Variants in RIMBP2 observed in about 807,000 individuals in gnomAD.
RIMBP2 encodes RIMS binding protein 2.
A neutral mutation model predicts 118.6 loss-of-function variants in RIMBP2; 48 were observed. That is an observed-to-expected ratio of 0.40 (90% confidence interval 0.32 to 0.51). The LOEUF (loss-of-function observed/expected upper bound fraction) is 0.51. Ranked by LOEUF, RIMBP2 falls within the 20% of genes least tolerant of loss-of-function variation. The pLI, the probability that RIMBP2 is intolerant of heterozygous loss-of-function variation, is 0.41. For synonymous variants in RIMBP2, 762 were observed against 742.9 expected, an observed-to-expected ratio of 1.03 and a Z score of -0.42; for missense variants, 1,551 against 1,768.3, an observed-to-expected ratio of 0.88 and a Z score of 2.20.
At chr12:130,590,481 T>A (rs763128167) in intron 2 of RIMBP2, among the ~76,000 whole-genome samples, 8 of 152,192 alleles carry the variant, frequency 5.3e-5, no homozygotes, top group Non-Finnish European at 1.2e-4. Context: ...CAACATTCCA[T>A]GAAGTCTTCA....
intron 2 of RIMBP2, among the ~76,000 whole-genome samples, chr12:130,555,901 C>T (rs936482266): frequency 6.6e-6 from 1 of 152,168 alleles, no homozygotes; most frequent in Non-Finnish European, 1.5e-5. Context: ...CCGTGCAGGC[C>T]GGCTCTCAGA....
chr12:130,609,672 C>A (rs1403705419), intron 2 of RIMBP2, among the ~76,000 whole-genome samples: 1 of 131,170 alleles, frequency 7.6e-6, no homozygotes, highest in African/African-American at 2.8e-5. Context: ...TCTGGAGAGC[C>A]AGGAATACTG....
intron 2 of RIMBP2, among the ~76,000 whole-genome samples, chr12:130,608,940 G>C (rs1020872219): frequency 6.6e-6 from 1 of 152,006 alleles, no homozygotes; most frequent in Admixed American, 6.6e-5. Context: ...ATGGCCCCCA[G>C]CACCCCAGCC....
At chr12:130,607,916 T>C (rs568184076) in intron 2 of RIMBP2, among the ~76,000 whole-genome samples, 2 of 152,218 alleles carry the variant, frequency 1.3e-5, no homozygotes, top group East Asian at 3.9e-4. Flanking sequence ...TGTGGGAATG[T>C]GTGGGGGTCA....
At chr12:130,579,742 A>G (rs77153597) in intron 2 of RIMBP2, among the ~76,000 whole-genome samples, 2,701 of 152,040 alleles carry the variant, frequency 0.018, 68 homozygotes, top group African/African-American at 0.062. Flanking sequence ...CCGGTCAATA[A>G]ATACTAGATG....
rs942749158 is a variant in RIMBP2 at position 130,470,721 on chromosome 12, T to A, written c.125A>T (p.Glu42Val). ...LQKAQVEAKKEHEGAVRLLES... is the reference protein window; with the variant it reads ...LQKAQVEAKKVHEGAVRLLES... The stretch of plus-strand genomic sequence containing the variant: ...TAGCAGCCGCACTGCGCCTTCATGC[T>A]CCTTCTTAGCCTCAACCTGAGCCTT... Residue 42 changes from glutamate to valine, a missense_variant, in exon 6 of 23, where the codon GAG becomes GTG. Around this residue, in one of 5 missense-constraint regions of RIMBP2, gnomAD observed 239 missense variants for 256.8 expected, o/e 0.93. Transcript: ENST00000690449. The A allele has an allele frequency of 1.9e-5, 24 of 1,231,984 alleles. No homozygotes were observed. In the Admixed American group the frequency reaches 7.2e-4, roughly 37 times the overall value. The allele number at this position is 1,231,984 out of a possible 1,614,324, so 76.3% of individuals were successfully genotyped here.
chr12:130,411,387 T>C (rs2075702520), intron 19 of RIMBP2, among the ~76,000 whole-genome samples: 1 of 152,098 alleles, frequency 6.6e-6, no homozygotes, highest in South Asian at 2.1e-4. Context: ...TCCAGTATGA[T>C]GTGGAAAAGG....
At chr12:130,582,705 C>T (rs957057943) in intron 2 of RIMBP2, among the ~76,000 whole-genome samples, 19 of 152,234 alleles carry the variant, frequency 1.2e-4, no homozygotes, top group African/African-American at 4.6e-4. Flanking sequence ...TCTGCCCAAA[C>T]CCAGGACCTG....
Position 130,422,351 on chromosome 12 carries a change from A to C in RIMBP2, c.3238+102T>G. 1.5e-6 allele frequency: 1 copy of C among 675,438 alleles called. No individual in the cohort carries two copies. Among genetic ancestry groups the C allele is most frequent in the Non-Finnish European group, 2.5e-6 (1 of 394,152 alleles). The allele number at this position is 675,438 out of a possible 1,614,324, so 41.8% of individuals were successfully genotyped here. A position where few individuals can be genotyped will look rare whatever the true frequency, so the allele number is the denominator to read the frequency against. On this transcript the variant is annotated intron_variant, in intron 17 of 22. Coordinates refer to ENST00000690449, the MANE Select transcript of RIMBP2 (RefSeq NM_001393629.1). This position sits in a 1 kb window ranked among gnomAD's most constrained non-coding sequence, Gnocchi z 5.2. ...CCATGAATAACAGTGTTCTTTGCTT[A>C]GCGGAAAATGCTACTCCTAAAGTTT...
chr12:130,449,924 C>T (rs1396346398), intron 9 of RIMBP2, among the ~76,000 whole-genome samples: 2 of 152,058 alleles, frequency 1.3e-5, no homozygotes, highest in East Asian at 3.9e-4. Flanking sequence ...GCCGATACCC[C>T]CATCTCAAAC....
At chr12:130,635,887 C>T (rs572361069) in intron 1 of RIMBP2, among the ~76,000 whole-genome samples, 151 of 152,144 alleles carry the variant, frequency 9.9e-4, no homozygotes, top group South Asian at 2.7e-3. Context: ...CCTACTGGGG[C>T]CCCCTACATC....
At position 130,419,307 on chromosome 12, in the gene RIMBP2, G is replaced by A. The variant is rs931775223; in HGVS notation, c.3238+3146C>T. On this transcript the variant is annotated intron_variant, in intron 17 of 22. Transcript: ENST00000690449. The surrounding 1 kb of genome is among the most constrained non-coding windows in gnomAD (Gnocchi z 4.3). Reference sequence around the variant, plus strand: ...CTGAGGAAGTGTGCTGGCCCAAGGGGTCTTTGTTAGGAGGAAGGGTGTGCA... The same window carrying A: ...CTGAGGAAGTGTGCTGGCCCAAGGGATCTTTGTTAGGAGGAAGGGTGTGCA... 6.6e-6 allele frequency among the ~76,000 whole-genome samples: 1 copy of A among 152,184 alleles called. No individual in the cohort carries two copies. The highest frequency in any genetic ancestry group is 1.5e-5 in the Non-Finnish European group (1 of 68,042).
chr12:130,571,259 A>G (rs4759495), intron 2 of RIMBP2, among the ~76,000 whole-genome samples: 129,920 of 151,522 alleles, frequency 0.86, 57,260 homozygotes, highest in Non-Finnish European at 0.97. Context: ...AGGCCATGAC[A>G]GAAAACAGCC....
intron 7 of RIMBP2, among the ~76,000 whole-genome samples, chr12:130,453,925 A>C (rs2079203538): frequency 6.6e-6 from 1 of 152,124 alleles, no homozygotes; most frequent in African/African-American, 2.4e-5. Context: ...GCGGCGGTGC[A>C]CACCTGTAAT....
chr12:130,535,471 G>C (rs1295964594), intron 2 of RIMBP2, among the ~76,000 whole-genome samples: 1 of 151,980 alleles, frequency 6.6e-6, no homozygotes, highest in Non-Finnish European at 1.5e-5. Flanking sequence ...CCAAGATCAT[G>C]CCTCTGCACT....
chr12:130,589,063 G>C (rs1399527836), intron 2 of RIMBP2, among the ~76,000 whole-genome samples: 3 of 152,216 alleles, frequency 2.0e-5, no homozygotes, highest in African/African-American at 7.2e-5. Context: ...AGACTGTGTC[G>C]ATAAGACTTG....
At chr12:130,635,917 G>C (rs1386131306) in intron 1 of RIMBP2, among the ~76,000 whole-genome samples, 1 of 151,862 alleles carries the variant, frequency 6.6e-6, no homozygotes, top group African/African-American at 2.4e-5. Context: ...ACCCCCTACT[G>C]TCTTCTCCAC....
At chr12:130,639,827 G>C (rs545796640) in intron 1 of RIMBP2, among the ~76,000 whole-genome samples, 5 of 152,246 alleles carry the variant, frequency 3.3e-5, no homozygotes, top group African/African-American at 1.2e-4. Flanking sequence ...AGTGAAAATT[G>C]AAAGCCGAGA....
intron 6 of RIMBP2, among the ~76,000 whole-genome samples, chr12:130,458,841 T>C (rs1440891461): frequency 6.6e-6 from 1 of 152,074 alleles, no homozygotes; most frequent in Non-Finnish European, 1.5e-5. Flanking sequence ...GCTCAGGAGT[T>C]CGAGACCAGC....
Sources: allele counts gnomAD v4.1 joint callset (sites outside exome capture counted in the v4.1 genomes callset), GRCh38; gene constraint gnomAD v4.1.1; regional missense constraint gnomAD v4.1.1; non-coding constraint Gnocchi (gnomAD v3.1); transcripts MANE v1.5; gene names NCBI Gene and HGNC (gene_info 2026-07-23, HGNC 2026-07-21).